Variants in NEO1 observed in about 807,000 individuals in gnomAD.
NEO1 encodes neogenin.
In NEO1, 63 loss-of-function variants were observed where a neutral mutation model predicts 159.7. The ratio of observed to expected loss-of-function variants is 0.39; its 90% CI spans 0.32 to 0.49. The LOEUF (loss-of-function observed/expected upper bound fraction) is 0.49, where lower values mean the gene tolerates loss of function less well. NEO1 is among the 20% of genes least tolerant of loss of function. The pLI, the probability that NEO1 is intolerant of heterozygous loss-of-function variation, is 0.85. For synonymous variants in NEO1, 633 were observed against 662.0 expected (o/e 0.96, Z 0.67); for missense variants, 1,615 against 1,831.0 (o/e 0.88, Z 2.15).
At chr15:73,059,066 G>T (rs910767626) in intron 1 of NEO1, among the ~76,000 whole-genome samples, 4 of 152,124 alleles carry the variant, frequency 2.6e-5, no homozygotes, top group African/African-American at 9.7e-5. Flanking sequence ...CTTTAGGGCT[G>T]AGTTATATGG....
chr15:73,070,533 TAGAAA>T (rs1206842050), intron 1 of NEO1, among the ~76,000 whole-genome samples: 1 of 152,048 alleles, frequency 6.6e-6, no homozygotes, highest in Admixed American at 6.5e-5. Flanking sequence ...TAGAAGAAAA[TAGAAA>T]AGAGGTTTTT....
At position 73,210,010 on chromosome 15, in the gene NEO1, C is replaced by T. The variant is rs567088075; in HGVS notation, c.1292-26337C>T. Among the ~76,000 whole-genome samples the T allele has an allele frequency of 2.3e-4, 35 of 152,026 alleles. 1 individual carries two copies. In the South Asian group the frequency reaches 3.7e-3, roughly 16 times the overall value. On this transcript the variant is annotated intron_variant, in intron 7 of 28. Coordinates refer to ENST00000261908, the MANE Select transcript of NEO1 (RefSeq NM_002499.4). ...AAGAGCGAAACTCTGTCTAAAAAAA[C>T]GAAAAAAAGTAGCCTATGTCTGGCC...
chr15:73,121,751 T>C (rs1309879908), intron 2 of NEO1, among the ~76,000 whole-genome samples: 1 of 152,136 alleles, frequency 6.6e-6, no homozygotes, highest in Non-Finnish European at 1.5e-5. Context: ...TCTTGTCTTA[T>C]TCAGTGGGTT....
At position 73,151,063 on chromosome 15, in the gene NEO1, C is replaced by T. The variant is rs557039927; in HGVS notation, c.1015+15036C>T. Reference sequence around the variant, plus strand: ...GTGGTCATACCAGTTCACATTCCTACCAACAGTGTATGTGAGTTCTGGTTG... The same window carrying T: ...GTGGTCATACCAGTTCACATTCCTATCAACAGTGTATGTGAGTTCTGGTTG... On this transcript the variant is annotated intron_variant, in intron 5 of 28. Transcript: ENST00000261908. Among the ~76,000 whole-genome samples, 22 of 152,292 alleles carry T rather than the reference C, an allele frequency of 1.4e-4. No homozygotes were observed. The South Asian group carries it at 1.4e-3, about 10-fold the overall frequency.
At chr15:73,173,676 A>G (rs1436577480) in intron 5 of NEO1, among the ~76,000 whole-genome samples, 1 of 152,234 alleles carries the variant, frequency 6.6e-6, no homozygotes, top group Admixed American at 6.5e-5. Context: ...CTTTGTTACA[A>G]TAGATGCCTT....
intron 22 of NEO1, 107 bp from the exon 23 acceptor site, chr15:73,282,857 G>A: frequency 7.7e-7 from 1 of 1,306,778 alleles, no homozygotes; most frequent in Non-Finnish European, 1.1e-6. Flanking sequence ...TCAGAGCAAT[G>A]AGTGTTATCA....
At chr15:73,083,690 G>C (rs1413617641) in intron 1 of NEO1, among the ~76,000 whole-genome samples, 3 of 152,054 alleles carry the variant, frequency 2.0e-5, no homozygotes, top group Non-Finnish European at 4.4e-5. Context: ...TTTTTAACTT[G>C]TGATACTGTG....
chr15:73,074,322 A>G (rs992647305), intron 1 of NEO1, among the ~76,000 whole-genome samples: 1 of 152,186 alleles, frequency 6.6e-6, no homozygotes, highest in Non-Finnish European at 1.5e-5. Context: ...GAGGCCAGTT[A>G]TCTAGTTTAT....
chr15:73,089,931 A>G (rs763516056), intron 1 of NEO1, among the ~76,000 whole-genome samples: 1 of 152,160 alleles, frequency 6.6e-6, no homozygotes, highest in Non-Finnish European at 1.5e-5. Flanking sequence ...ACATAGGATG[A>G]CCATATGTCT....
chr15:73,186,984 A>T (rs1448176573), intron 7 of NEO1, among the ~76,000 whole-genome samples: 1 of 152,228 alleles, frequency 6.6e-6, no homozygotes, highest in Non-Finnish European at 1.5e-5. Context: ...TAACACAGAA[A>T]TAGTTGATAA....
At chr15:73,123,706 C>G (rs1263878375) in intron 3 of NEO1, among the ~76,000 whole-genome samples, 2 of 152,298 alleles carry the variant, frequency 1.3e-5, no homozygotes, top group South Asian at 2.1e-4. Flanking sequence ...CATAGCCCCT[C>G]TAGCCTTTTG....
In NEO1 at chr15:73,254,706, C is replaced by A; in HGVS notation, c.1969C>A (p.Pro657Thr). 6.2e-7 allele frequency: 1 copy of A among 1,613,522 alleles called. No homozygotes were observed. The highest frequency in any genetic ancestry group is 1.1e-5 in the South Asian group (1 of 90,980). Reference sequence around the variant, plus strand: ...GAGTATTATGATTCACTGGCAGCCACCTGCTCCAGCCACACAAAATGGGCA... The same window carrying A: ...GAGTATTATGATTCACTGGCAGCCAACTGCTCCAGCCACACAAAATGGGCA... ...SKSIMIHWQP[P>T]APATQNGQIT... The change falls in exon 13 of 29, where the codon CCT becomes ACT. Residue 657 changes from proline to threonine, a missense_variant. By Grantham distance (38) the Pro-to-Thr change is conservative. Coordinates refer to ENST00000261908, the MANE Select transcript of NEO1 (RefSeq NM_002499.4).
chr15:73,191,698 G>A (rs1421241881), intron 7 of NEO1, among the ~76,000 whole-genome samples: 2 of 152,010 alleles, frequency 1.3e-5, no homozygotes, highest in Non-Finnish European at 2.9e-5. Flanking sequence ...TGCAAAATTA[G>A]AAAATCTTCT....
At chr15:73,225,603 A>G (rs1417084525) in intron 7 of NEO1, among the ~76,000 whole-genome samples, 1 of 152,054 alleles carries the variant, frequency 6.6e-6, no homozygotes, top group African/African-American at 2.4e-5. Flanking sequence ...GGCCTCACCC[A>G]GCTCCCACGC....
At chr15:73,078,752 C>T (rs933772820) in intron 1 of NEO1, among the ~76,000 whole-genome samples, 1 of 152,188 alleles carries the variant, frequency 6.6e-6, no homozygotes, top group Non-Finnish European at 1.5e-5. Context: ...ACTAGCAGCG[C>T]TGGGTGTTTC....
chr15:73,130,903 C>T (rs1023696655), intron 4 of NEO1, among the ~76,000 whole-genome samples: 2 of 152,200 alleles, frequency 1.3e-5, no homozygotes. Context: ...AATCCTACCC[C>T]TTCTACCCAG....
intron 5 of NEO1, among the ~76,000 whole-genome samples, chr15:73,151,609 T>C (rs528418958): frequency 6.6e-6 from 1 of 152,288 alleles, no homozygotes; most frequent in Admixed American, 6.5e-5. Context: ...CTTCTTCACA[T>C]GGTGGCAGGA....
chr15:73,109,674 T>C (rs1334750402), intron 1 of NEO1, among the ~76,000 whole-genome samples: 1 of 152,148 alleles, frequency 6.6e-6, no homozygotes, highest in Non-Finnish European at 1.5e-5. Context: ...AATTTCCCTA[T>C]AGGACATTAT....
intron 5 of NEO1, among the ~76,000 whole-genome samples, chr15:73,172,778 A>G (rs1484583823): frequency 6.6e-6 from 1 of 152,232 alleles, no homozygotes; most frequent in African/African-American, 2.4e-5. Flanking sequence ...TAGTTTTTGT[A>G]GGGAAACTTG....
Sources: allele counts gnomAD v4.1 joint callset (sites outside exome capture counted in the v4.1 genomes callset), GRCh38; gene constraint gnomAD v4.1.1; transcripts MANE v1.5; gene names NCBI Gene and HGNC (gene_info 2026-07-23, HGNC 2026-07-21).